C1orf159: variants seen among roughly 807,000 people sequenced by gnomAD.
C1orf159 encodes chromosome 1 open reading frame 159.
In C1orf159, 19 loss-of-function variants were observed where a neutral mutation model predicts 25.6. That is an observed-to-expected ratio of 0.74 (90% CI 0.52 to 1.09). The LOEUF is 1.09. C1orf159 is among the 50% of genes least tolerant of loss of function. C1orf159 has a pLI of 0.00. For synonymous variants in C1orf159, 139 were observed against 124.7 expected, an observed-to-expected ratio of 1.12 and a Z score of -0.77; for missense variants, 274 against 290.6, an observed-to-expected ratio of 0.94 and a Z score of 0.42.
At chr1:1,109,493 G>C (rs1019038991) in intron 1 of C1orf159, among the ~76,000 whole-genome samples, 2 of 151,814 alleles carry the variant, frequency 1.3e-5, no homozygotes, top group South Asian at 4.2e-4. Flanking sequence ...TTTAGAGATG[G>C]GTTTGCTCTG....
intron 1 of C1orf159, among the ~76,000 whole-genome samples, chr1:1,115,254 T>G (rs1464357341): frequency 6.8e-6 from 1 of 146,982 alleles, no homozygotes; most frequent in African/African-American, 2.7e-5. Flanking sequence ...AACTCAATCA[T>G]CGACTCGCTG....
At chr1:1,114,122 C>T (rs1323903057) in intron 1 of C1orf159, among the ~76,000 whole-genome samples, 6 of 152,042 alleles carry the variant, frequency 3.9e-5, no homozygotes, top group South Asian at 4.2e-4. Flanking sequence ...TCACCATATT[C>T]GCCAGGCTGA....
chr1:1,099,368 TTGA>T (rs1557430086), intron 1 of C1orf159, among the ~76,000 whole-genome samples: 9 of 101,700 alleles, frequency 8.8e-5, no homozygotes, highest in African/African-American at 4.9e-4. Flanking sequence ...GGATTGTCTA[TTGA>T]TGTTTTTGGT....
At chr1:1,113,195 CAAA>C (rs545670130) in intron 1 of C1orf159, among the ~76,000 whole-genome samples, 3 of 134,248 alleles carry the variant, frequency 2.2e-5, no homozygotes, top group Admixed American at 7.6e-5. Context: ...GACTCCATCT[CAAA>C]AAAAAAAAAA....
chr1:1,108,232 CA>C (rs1646204152), intron 1 of C1orf159, among the ~76,000 whole-genome samples: 1 of 110,468 alleles, frequency 9.1e-6, no homozygotes, highest in Non-Finnish European at 1.7e-5. Flanking sequence ...CACCATGTCT[CA>C]GCAGCACCGT....
chr1:1,085,515 G>A (rs910024543), intron 7 of C1orf159, among the ~76,000 whole-genome samples: 4 of 142,234 alleles, frequency 2.8e-5, no homozygotes, highest in Non-Finnish European at 6.2e-5. Flanking sequence ...GGGGGACCAT[G>A]GCTGCTGGAG....
intron 1 of C1orf159, among the ~76,000 whole-genome samples, chr1:1,099,522 A>G (rs1414272145): frequency 7.1e-6 from 1 of 139,904 alleles, no homozygotes. Flanking sequence ...TTGTCTATTG[A>G]TGTTTTTGGT....
chr1:1,107,991 C>G (rs1045274739), intron 1 of C1orf159, among the ~76,000 whole-genome samples: 3 of 152,238 alleles, frequency 2.0e-5, no homozygotes, highest in Admixed American at 6.5e-5. Context: ...CTGCGAGGGT[C>G]TGCGGCTTCA....
intron 1 of C1orf159, among the ~76,000 whole-genome samples, chr1:1,115,398 G>C (rs2100784872): frequency 6.6e-6 from 1 of 152,234 alleles, no homozygotes; most frequent in Non-Finnish European, 1.5e-5. Flanking sequence ...TAGGACACCG[G>C]GGACCGCGCC....
rs1027222854 is a variant in C1orf159, at chr1:1,089,460, G to A, written c.148+893C>T. ...CAGCCCCTCTGTTCTCCCTCAGAGC[G>A]GTGCCCTCCTCCTCCTACCCTGCGT... On this transcript the variant is annotated intron_variant, in intron 4 of 9. Coordinates refer to ENST00000421241, the MANE Select transcript of C1orf159 (RefSeq NM_017891.5). This position sits in a 1 kb window ranked among gnomAD's most constrained non-coding sequence, Gnocchi z 7.5. Among the ~76,000 whole-genome samples the A allele has an allele frequency of 5.3e-5, 8 of 152,078 alleles. No individual in the cohort carries two copies. Among genetic ancestry groups the A allele is most frequent in the Admixed American group, 2.0e-4 (3 of 15,278 alleles).
chr1:1,099,522 A>C (rs1414272145), intron 1 of C1orf159, among the ~76,000 whole-genome samples: 1 of 139,988 alleles, frequency 7.1e-6, no homozygotes, highest in African/African-American at 2.8e-5. Context: ...TTGTCTATTG[A>C]TGTTTTTGGT....
In C1orf159 at chr1:1,085,904, G is replaced by C. The variant is rs748696429; in HGVS notation, c.419C>G (p.Pro140Arg). The C allele has an allele frequency of 5.0e-6, 8 of 1,613,448 alleles. No homozygotes were observed. In the Admixed American group the frequency reaches 1.3e-4, roughly 27 times the overall value. The change falls in exon 7 of 10, where the codon CCC becomes CGC. Residue 140 changes from proline (P) to arginine (R), a missense_variant. Pro to Arg is a moderately radical substitution (Grantham distance 103). Coordinates refer to ENST00000421241, the MANE Select transcript of C1orf159 (RefSeq NM_017891.5). ...TTTGTTTCTTCTGTAGCAGGCCCTG[G>C]GGAGTTTACTGGAGCGCTTGAGGTA... ...FFYLKRSSKL[P>R]RACYRRNKAP... is the part of the protein sequence containing the mutation.
chr1:1,105,299 C>A (rs995557010), intron 1 of C1orf159, among the ~76,000 whole-genome samples: 2 of 152,028 alleles, frequency 1.3e-5, no homozygotes, highest in African/African-American at 2.4e-5. Flanking sequence ...GCTGGAGGAT[C>A]GCTTGAGGGC....
chr1:1,084,443 G>A (rs759011474), intron 8 of C1orf159, 38 bp downstream of exon 8: 5 of 1,576,138 alleles, frequency 3.2e-6, no homozygotes, highest in East Asian at 2.3e-5. Flanking sequence ...GGCACACGCG[G>A]CCAGGGACGC....
At chr1:1,113,622 C>T (rs766990095) in intron 1 of C1orf159, among the ~76,000 whole-genome samples, 4 of 152,038 alleles carry the variant, frequency 2.6e-5, no homozygotes, top group Non-Finnish European at 5.9e-5. Context: ...GTTTGATGGA[C>T]GGGTAGGAGG....
intron 9 of C1orf159, chr1:1,083,229 C>CG: frequency 2.1e-6 from 1 of 478,030 alleles, no homozygotes; most frequent in Non-Finnish European, 3.7e-6. Flanking sequence ...CCCTGGGCCC[C>CG]GGGGCCTGGA....
At chr1:1,111,907 C>T (rs1212702607) in intron 1 of C1orf159, among the ~76,000 whole-genome samples, 1 of 152,222 alleles carries the variant, frequency 6.6e-6, no homozygotes, top group African/African-American at 2.4e-5. Context: ...CCTAAAGATC[C>T]CTCTCGTGCT....
Position 1,090,691 on chromosome 1 carries a change from A to C in C1orf159, c.73-263T>G, listed in dbSNP as rs112305311. The C allele has an allele frequency of 7.5e-3, 5,266 of 705,518 alleles. 212 individuals are homozygous for C. The African/African-American group carries it at 0.079, about 11-fold the overall frequency. 43.7% of individuals were successfully genotyped at this position (705,518 alleles called of 1,614,324 possible). A position where few individuals can be genotyped will look rare whatever the true frequency, so the allele number is the denominator to read the frequency against. On this transcript the variant is annotated intron_variant, in intron 3 of 9. Transcript: ENST00000421241. ...GGGCCTGGAAGAGTAAACCACCCCCAGGAGGCGGCACCCGCAGGCCATGGC... is the reference window on the plus strand; with the variant it reads ...GGGCCTGGAAGAGTAAACCACCCCCCGGAGGCGGCACCCGCAGGCCATGGC...
chr1:1,083,832 C>T, intron 9 of C1orf159: 1 of 1,313,288 alleles, frequency 7.6e-7, no homozygotes, highest in South Asian at 1.4e-5. Context: ...CGGGTGAGCC[C>T]TGCTCATGGC....
Sources: allele counts gnomAD v4.1 joint callset (sites outside exome capture counted in the v4.1 genomes callset), GRCh38; gene constraint gnomAD v4.1.1; non-coding constraint Gnocchi (gnomAD v3.1); transcripts MANE v1.5; gene names NCBI Gene and HGNC (gene_info 2026-07-23, HGNC 2026-07-21).